Variants in DIP2B observed in about 807,000 individuals in gnomAD.
The protein encoded by DIP2B is disco-interacting protein 2 homolog B.
A neutral mutation model predicts 198.0 loss-of-function variants in DIP2B; 76 were observed. The observed-to-expected ratio is 0.38, with a 90% confidence interval of 0.32 to 0.46. The LOEUF (loss-of-function observed/expected upper bound fraction) is 0.46. DIP2B is among the 20% of genes least tolerant of loss of function. The probability of loss-of-function intolerance (pLI) is 0.99; values close to 1 mark genes in which losing one functional copy is unlikely to be tolerated. For synonymous variants in DIP2B, 701 were observed against 739.1 expected, an observed-to-expected ratio of 0.95 and a Z score of 0.84; for missense variants, 1,559 against 1,978.4, an observed-to-expected ratio of 0.79 and a Z score of 4.02.
At chr12:50,720,080 A>G (rs1939807125) in intron 25 of DIP2B, among the ~76,000 whole-genome samples, 1 of 151,154 alleles carries the variant, frequency 6.6e-6, no homozygotes, top group African/African-American at 2.4e-5. Context: ...ACAGGTGCCC[A>G]CCACCAGGCC....
chr12:50,640,409 G>A (rs2097553320), intron 2 of DIP2B, among the ~76,000 whole-genome samples: 1 of 149,584 alleles, frequency 6.7e-6, no homozygotes, highest in Admixed American at 6.6e-5. Context: ...CACTGTTTAG[G>A]ATTGGGGATC....
chr12:50,568,258 G>A (rs1958583056), intron 1 of DIP2B, among the ~76,000 whole-genome samples: 2 of 152,140 alleles, frequency 1.3e-5, no homozygotes, highest in African/African-American at 4.8e-5. Context: ...AGCCTGAGAT[G>A]CATGTTTGTT....
intron 1 of DIP2B, among the ~76,000 whole-genome samples, chr12:50,522,520 A>G (rs550923518): frequency 5.9e-5 from 9 of 152,236 alleles, no homozygotes; most frequent in Non-Finnish European, 7.4e-5. Context: ...CACCTAATGG[A>G]TGCATCTTTG....
chr12:50,596,316 G>T (rs557915939), intron 1 of DIP2B, among the ~76,000 whole-genome samples: 3 of 152,202 alleles, frequency 2.0e-5, no homozygotes, highest in African/African-American at 7.2e-5. Context: ...GAGTTTGGTT[G>T]TCTCTCTTGC....
At chr12:50,576,171 G>A (rs1958658861) in intron 1 of DIP2B, among the ~76,000 whole-genome samples, 1 of 151,564 alleles carries the variant, frequency 6.6e-6, no homozygotes, top group African/African-American at 2.4e-5. Context: ...CTGGGTTCAA[G>A]TGATTTACCT....
Position 50,677,303 on chromosome 12 carries a change from T to G in DIP2B, c.917-1376T>G, listed in dbSNP as rs1359013911. 5.3e-5 allele frequency among the ~76,000 whole-genome samples: 8 copies of G among 152,138 alleles called. No individual in the cohort carries two copies. The South Asian group carries it at 1.7e-3, about 31-fold the overall frequency. On this transcript the variant is annotated intron_variant, in intron 7 of 37. Transcript: ENST00000301180. The stretch of plus-strand genomic sequence containing the variant: ...TCTATCTAGAGTGATTTGTTCCACG[T>G]GTAAATTATCTTTCCTGCTATGAAA...
intron 1 of DIP2B, among the ~76,000 whole-genome samples, chr12:50,538,025 A>T (rs1277411315): frequency 6.6e-6 from 1 of 152,190 alleles, no homozygotes; most frequent in Non-Finnish European, 1.5e-5. Context: ...TCAAAAGAGT[A>T]CTTATTTATT....
At chr12:50,658,173 G>A (rs1938586635) in intron 3 of DIP2B, among the ~76,000 whole-genome samples, 1 of 151,800 alleles carries the variant, frequency 6.6e-6, no homozygotes, top group African/African-American at 2.4e-5. Context: ...GTCTTGCTCT[G>A]TCGCCCAGGC....
intron 35 of DIP2B, among the ~76,000 whole-genome samples, chr12:50,738,795 T>A (rs1409528234): frequency 6.6e-6 from 1 of 152,230 alleles, no homozygotes; most frequent in Non-Finnish European, 1.5e-5. Flanking sequence ...TAAAAATTTT[T>A]AAATGTTAGT....
chr12:50,697,566 G>A (rs1250705287), intron 17 of DIP2B, among the ~76,000 whole-genome samples: 1 of 81,950 alleles, frequency 1.2e-5, no homozygotes, highest in East Asian at 3.2e-4. Context: ...TTTTTAGATA[G>A]GATCTCTCTT....
At chr12:50,729,946 C>T (rs1940008932) in intron 30 of DIP2B, among the ~76,000 whole-genome samples, 2 of 152,016 alleles carry the variant, frequency 1.3e-5, no homozygotes, top group East Asian at 1.9e-4. Context: ...TGGTCTTGAA[C>T]TCCTGGACTC....
At chr12:50,687,875 T>G (rs1265399990) in intron 12 of DIP2B, among the ~76,000 whole-genome samples, 2 of 150,082 alleles carry the variant, frequency 1.3e-5, no homozygotes, top group Non-Finnish European at 3.0e-5. Context: ...GTTCTGCACG[T>G]GTCCCAGAAC....
intron 30 of DIP2B, among the ~76,000 whole-genome samples, chr12:50,729,988 G>A (rs1433853008): frequency 6.6e-6 from 1 of 152,108 alleles, no homozygotes; most frequent in Non-Finnish European, 1.5e-5. Context: ...CTCCCAAAGT[G>A]CTAGGATTAT....
rs1048525465 is a variant in DIP2B at position 50,601,354 on chromosome 12, T to G, written c.101-24622T>G. Among the ~76,000 whole-genome samples the G allele has an allele frequency of 5.4e-5, 8 of 148,250 alleles. No individual in the cohort carries two copies. In the East Asian group the frequency reaches 7.8e-4, roughly 14 times the overall value. ...ATATATTTTTTTGTTTGTTTGTTTGTTTTTTTTTTAGACAGAGTCTTGCTC... is the reference window on the plus strand; with the variant it reads ...ATATATTTTTTTGTTTGTTTGTTTGGTTTTTTTTTAGACAGAGTCTTGCTC... On this transcript the variant is annotated intron_variant, in intron 1 of 37. Coordinates refer to ENST00000301180, the MANE Select transcript of DIP2B (RefSeq NM_173602.3).
At chr12:50,732,785 AG>A (rs1284291097) in intron 32 of DIP2B, among the ~76,000 whole-genome samples, 3 of 152,240 alleles carry the variant, frequency 2.0e-5, no homozygotes, top group Non-Finnish European at 4.4e-5. Flanking sequence ...TTCTTGGAGC[AG>A]TGCTGACAGT....
intron 1 of DIP2B, among the ~76,000 whole-genome samples, chr12:50,553,636 C>T (rs1958445607): frequency 6.6e-6 from 1 of 152,046 alleles, no homozygotes; most frequent in African/African-American, 2.4e-5. Flanking sequence ...ACTTTTGGTT[C>T]ATTTGTGTTT....
chr12:50,670,165 A>G (rs1938826033), intron 4 of DIP2B, among the ~76,000 whole-genome samples: 1 of 114,094 alleles, frequency 8.8e-6, no homozygotes, highest in Admixed American at 1.3e-4. Context: ...TTTCTAATTT[A>G]GGCCTATTTT....
chr12:50,609,138 A>T (rs867941980), intron 1 of DIP2B, among the ~76,000 whole-genome samples: 2 of 152,236 alleles, frequency 1.3e-5, no homozygotes, highest in Admixed American at 6.5e-5. Flanking sequence ...GTCTCAAAAA[A>T]AATAATAAAA....
chr12:50,632,154 T>C (rs1238262304), intron 2 of DIP2B, among the ~76,000 whole-genome samples: 1 of 152,126 alleles, frequency 6.6e-6, no homozygotes, highest in African/African-American at 2.4e-5. Context: ...TAAATGGCAT[T>C]GGAATGCAAA....
Sources: gnomAD v4.1 joint callset for allele counts (sites outside exome capture counted in the v4.1 genomes callset) on GRCh38, gnomAD v4.1.1 for gene constraint, MANE v1.5 for transcripts, NCBI Gene and HGNC (gene_info 2026-07-23, HGNC 2026-07-21) for gene names.